The following TMEM132D variants were observed in gnomAD, a reference collection of about 807,000 sequenced individuals.
TMEM132D encodes the protein transmembrane protein 132D, also known as mature OL transmembrane protein.
A neutral mutation model predicts 62.3 loss-of-function variants in TMEM132D; 21 were observed. The observed-to-expected ratio is 0.34, with a 90% CI of 0.24 to 0.49. The LOEUF (loss-of-function observed/expected upper bound fraction) is 0.49. Ranked by LOEUF, TMEM132D falls within the 20% of genes least tolerant of loss-of-function variation. The probability of loss-of-function intolerance (pLI) is 0.99; values close to 1 mark genes in which losing one functional copy is unlikely to be tolerated. For synonymous variants in TMEM132D, 621 were observed against 575.6 expected, an observed-to-expected ratio of 1.08 and a Z score of -1.13; for missense variants, 1,346 against 1,402.8, an observed-to-expected ratio of 0.96 and a Z score of 0.65.
chr12:129,446,066 G>T (rs1873089539), intron 3 of TMEM132D, among the ~76,000 whole-genome samples: 2 of 152,262 alleles, frequency 1.3e-5, no homozygotes, highest in East Asian at 3.9e-4. Context: ...TGAGCAAGGT[G>T]GCTCCCTGCT....
intron 1 of TMEM132D, among the ~76,000 whole-genome samples, chr12:129,895,493 T>G (rs532784331): frequency 1.3e-5 from 2 of 152,330 alleles, no homozygotes; most frequent in Admixed American, 1.3e-4. Flanking sequence ...AGACTATGGT[T>G]TGTGCCTCCC....
chr12:129,594,192 G>C (rs1287630328), intron 2 of TMEM132D, among the ~76,000 whole-genome samples: 3 of 152,162 alleles, frequency 2.0e-5, no homozygotes, highest in African/African-American at 7.2e-5. Context: ...TTATGCAGAA[G>C]TGGGGTTAAA....
chr12:129,299,317 G>A (rs1481850835), intron 4 of TMEM132D, among the ~76,000 whole-genome samples: 2 of 152,058 alleles, frequency 1.3e-5, no homozygotes, highest in Non-Finnish European at 2.9e-5. Context: ...AACTGGTGCT[G>A]ATGATACTGT....
intron 2 of TMEM132D, among the ~76,000 whole-genome samples, chr12:129,678,309 T>C (rs544035737): frequency 6.6e-6 from 1 of 152,320 alleles, no homozygotes; most frequent in South Asian, 2.1e-4. Context: ...CAACAACTTA[T>C]CTTGCTATTA....
At chr12:129,117,365 T>C (rs1875927138) in intron 5 of TMEM132D, among the ~76,000 whole-genome samples, 1 of 152,092 alleles carries the variant, frequency 6.6e-6, no homozygotes, top group South Asian at 2.1e-4. Flanking sequence ...TGCATGTCAT[T>C]ACGTATCAAT....
intron 1 of TMEM132D, among the ~76,000 whole-genome samples, chr12:129,817,592 GGT>G (rs112314739): frequency 0.51 from 74,718 of 146,186 alleles, 19,865 homozygotes; most frequent in Non-Finnish European, 0.6. Context: ...AAGATAAGAT[GGT>G]GTGTGTGTGT....
chr12:129,217,854 A>G (rs74553680), intron 4 of TMEM132D, among the ~76,000 whole-genome samples: 4,941 of 152,246 alleles, frequency 0.032, 259 homozygotes, highest in African/African-American at 0.11. Flanking sequence ...TCACTAGGAT[A>G]GATAGTTTTT....
At chr12:129,296,776 C>T (rs1049281634) in intron 4 of TMEM132D, among the ~76,000 whole-genome samples, 7 of 152,118 alleles carry the variant, frequency 4.6e-5, no homozygotes, top group African/African-American at 1.7e-4. Context: ...GGGGTGTCAG[C>T]CCCCAGAGCA....
chr12:129,315,330 T>C (rs1175425722), intron 4 of TMEM132D, among the ~76,000 whole-genome samples: 1 of 152,144 alleles, frequency 6.6e-6, no homozygotes, highest in East Asian at 1.9e-4. Context: ...GTATGCTGAT[T>C]TTGCTGAGAG....
intron 5 of TMEM132D, among the ~76,000 whole-genome samples, chr12:129,189,351 G>T (rs1292994128): frequency 6.6e-6 from 1 of 152,138 alleles, no homozygotes; most frequent in Non-Finnish European, 1.5e-5. Context: ...CAGGCTGATG[G>T]GAAAGCTCTC....
At chr12:129,136,795 C>CCACCACCATCATCACCAT (rs1456515425) in intron 5 of TMEM132D, among the ~76,000 whole-genome samples, 29,821 of 148,738 alleles carry the variant, frequency 0.2, 3,118 homozygotes, top group African/African-American at 0.22. Context: ...ATCACCATCA[C>CCACCACCATCATCACCAT]CATCATCACC....
At chr12:129,377,813 T>A (rs1362892952) in intron 3 of TMEM132D, among the ~76,000 whole-genome samples, 3 of 152,222 alleles carry the variant, frequency 2.0e-5, no homozygotes, top group Non-Finnish European at 4.4e-5. Flanking sequence ...GCATCCTGAC[T>A]TAGTTTTCCT....
chr12:129,112,962 A>G (rs963740605), intron 5 of TMEM132D: 1 of 152,208 alleles, frequency 6.6e-6, no homozygotes, highest in African/African-American at 2.4e-5. Flanking sequence ...AGGTCTTGCA[A>G]TCTTTGTGCT....
At chr12:129,302,905 C>T (rs1881757831) in intron 4 of TMEM132D, among the ~76,000 whole-genome samples, 3 of 152,186 alleles carry the variant, frequency 2.0e-5, no homozygotes, top group Admixed American at 2.0e-4. Flanking sequence ...CAACCCACTG[C>T]CAGCTGTGCA....
chr12:129,845,676 G>T (rs1873337418), intron 1 of TMEM132D, among the ~76,000 whole-genome samples: 1 of 152,194 alleles, frequency 6.6e-6, no homozygotes, highest in Non-Finnish European at 1.5e-5. Context: ...ACAGTATCTA[G>T]TAAAATTCAA....
chr12:129,163,051 G>A (rs1473415577), intron 5 of TMEM132D, among the ~76,000 whole-genome samples: 1 of 152,132 alleles, frequency 6.6e-6, no homozygotes, highest in South Asian at 2.1e-4. Context: ...ACGTCCTGGG[G>A]GTGGATCCCC....
chr12:129,463,470 G>T (rs886300597), intron 3 of TMEM132D, among the ~76,000 whole-genome samples: 13,703 of 117,222 alleles, frequency 0.12, 817 homozygotes, highest in Non-Finnish European at 0.16. Context: ...ATTTATTTAT[G>T]TATTATTATT....
At chr12:129,736,293 T>G (rs561692599) in intron 1 of TMEM132D, among the ~76,000 whole-genome samples, 1 of 152,378 alleles carries the variant, frequency 6.6e-6, no homozygotes, top group East Asian at 1.9e-4. Context: ...TCTCTTGATG[T>G]TGGTTTCACA....
At chr12:129,145,865 C>T (rs1876879373) in intron 5 of TMEM132D, among the ~76,000 whole-genome samples, 1 of 152,010 alleles carries the variant, frequency 6.6e-6, no homozygotes, top group South Asian at 2.1e-4. Flanking sequence ...GGGTTCTTAG[C>T]CAGTAAAGCC....
Sources: allele counts gnomAD v4.1 joint callset (sites outside exome capture counted in the v4.1 genomes callset), GRCh38; gene constraint gnomAD v4.1.1; transcripts MANE v1.5; gene names NCBI Gene and HGNC (gene_info 2026-07-23, HGNC 2026-07-21).